The following CTNNA3 variants were observed in gnomAD, a reference collection of about 807,000 sequenced individuals.
CTNNA3 encodes catenin alpha-3.
CTNNA3 carries 76 observed loss-of-function variants against 95.7 expected under a neutral mutation model. The ratio of observed to expected loss-of-function variants is 0.79; its 90% CI spans 0.66 to 0.96. The LOEUF (loss-of-function observed/expected upper bound fraction) is 0.96. Ranked by LOEUF, CTNNA3 falls within the 40% of genes least tolerant of loss-of-function variation. The pLI, the probability that CTNNA3 is intolerant of heterozygous loss-of-function variation, is 0.00. For synonymous variants in CTNNA3, 431 were observed against 374.4 expected, an observed-to-expected ratio of 1.15 and a Z score of -1.74; for missense variants, 1,191 against 1,089.8, an observed-to-expected ratio of 1.09 and a Z score of -1.31.
At chr10:66,925,591 A>G (rs1847023030) in intron 7 of CTNNA3, among the ~76,000 whole-genome samples, 1 of 152,204 alleles carries the variant, frequency 6.6e-6, no homozygotes, top group African/African-American at 2.4e-5. Flanking sequence ...ACATCCTGAG[A>G]CACCTTGCAT....
At chr10:66,639,727 A>G (rs989361286) in intron 9 of CTNNA3, among the ~76,000 whole-genome samples, 16 of 152,194 alleles carry the variant, frequency 1.1e-4, no homozygotes, top group African/African-American at 3.6e-4. Context: ...GGAGTTCATA[A>G]CTACCTTAAA....
chr10:66,148,405 G>T (rs1051701388), intron 13 of CTNNA3, among the ~76,000 whole-genome samples: 19 of 152,010 alleles, frequency 1.2e-4, no homozygotes, highest in African/African-American at 4.1e-4. Flanking sequence ...GAAAATTCAT[G>T]TTGAAATCTA....
At chr10:65,998,077 A>G (rs900714586) in intron 15 of CTNNA3, among the ~76,000 whole-genome samples, 1 of 152,212 alleles carries the variant, frequency 6.6e-6, no homozygotes. Context: ...GAGTCATGTT[A>G]TCTTGGTTCC....
intron 13 of CTNNA3, among the ~76,000 whole-genome samples, chr10:66,174,266 G>A (rs2085591076): frequency 1.3e-5 from 2 of 151,922 alleles, no homozygotes; most frequent in Non-Finnish European, 2.9e-5. Flanking sequence ...AGACATTTTG[G>A]AAAAAGTTTG....
chr10:66,619,860 A>G (rs1352370099), intron 10 of CTNNA3, among the ~76,000 whole-genome samples: 1 of 152,126 alleles, frequency 6.6e-6, no homozygotes, highest in African/African-American at 2.4e-5. Flanking sequence ...TATGTTTATA[A>G]GTATATATGA....
chr10:66,189,552 A>G (rs1221195644), intron 13 of CTNNA3, among the ~76,000 whole-genome samples: 1 of 148,736 alleles, frequency 6.7e-6, no homozygotes, highest in East Asian at 2.0e-4. Flanking sequence ...CTGTTGCTCT[A>G]TGTTCCTGTT....
intron 7 of CTNNA3, among the ~76,000 whole-genome samples, chr10:66,825,005 G>T (rs1170350088): frequency 6.6e-6 from 1 of 151,166 alleles, no homozygotes; most frequent in African/African-American, 2.4e-5. Context: ...AGAACTCTTT[G>T]TAAGATTCCT....
At chr10:67,185,484 G>A (rs558604399) in intron 6 of CTNNA3, among the ~76,000 whole-genome samples, 2 of 151,802 alleles carry the variant, frequency 1.3e-5, no homozygotes, top group East Asian at 3.9e-4. Flanking sequence ...TCTTACATGG[G>A]CAAAAAAATT....
chr10:67,002,915 A>G (rs115401987), intron 7 of CTNNA3, among the ~76,000 whole-genome samples: 2,757 of 152,316 alleles, frequency 0.018, 87 homozygotes, highest in African/African-American at 0.062. Flanking sequence ...TTCTAAACAT[A>G]CCAAGGCTCA....
At chr10:66,389,981 C>T (rs60048031) in intron 11 of CTNNA3, among the ~76,000 whole-genome samples, 10,200 of 152,208 alleles carry the variant, frequency 0.067, 552 homozygotes, top group East Asian at 0.23. Flanking sequence ...AGCGATTCTC[C>T]TACCTCAGAT....
intron 7 of CTNNA3, among the ~76,000 whole-genome samples, chr10:66,978,108 G>A (rs1401323642): frequency 1.3e-5 from 2 of 151,338 alleles, no homozygotes; most frequent in African/African-American, 4.9e-5. Flanking sequence ...TGACGTTCCT[G>A]AAAATATGAT....
At chr10:66,157,480 T>A (rs2394196) in intron 13 of CTNNA3, among the ~76,000 whole-genome samples, 1 of 125,980 alleles carries the variant, frequency 7.9e-6, no homozygotes, top group African/African-American at 3.1e-5. Context: ...AGATGATAGA[T>A]AGATAGATAT....
intron 11 of CTNNA3, among the ~76,000 whole-genome samples, chr10:66,503,850 G>A (rs1840359141): frequency 6.6e-6 from 1 of 152,100 alleles, no homozygotes; most frequent in Non-Finnish European, 1.5e-5. Context: ...AATTACTTTA[G>A]CGGTGAAATT....
At chr10:66,333,923 T>C (rs1285533003) in intron 12 of CTNNA3, among the ~76,000 whole-genome samples, 1 of 152,066 alleles carries the variant, frequency 6.6e-6, no homozygotes, top group African/African-American at 2.4e-5. Context: ...CTGTATGTGG[T>C]GTATATATAT....
At chr10:66,712,465 G>C (rs1438701347) in intron 9 of CTNNA3, among the ~76,000 whole-genome samples, 1 of 152,110 alleles carries the variant, frequency 6.6e-6, no homozygotes, top group African/African-American at 2.4e-5. Flanking sequence ...AAGGTAGTTA[G>C]TCACCATTTT....
chr10:67,761,322 T>C (rs915772764), intron 1 of CTNNA3, among the ~76,000 whole-genome samples: 2 of 152,122 alleles, frequency 1.3e-5, no homozygotes, highest in Non-Finnish European at 2.9e-5. Context: ...GATGAAGAGA[T>C]TGGACTAACT....
At chr10:66,689,120 GA>G (rs1847417916) in intron 9 of CTNNA3, among the ~76,000 whole-genome samples, 2 of 151,904 alleles carry the variant, frequency 1.3e-5, no homozygotes, top group African/African-American at 4.8e-5. Flanking sequence ...ATGAATCAAT[GA>G]ATCAATGAAT....
intron 3 of CTNNA3, among the ~76,000 whole-genome samples, chr10:67,579,477 A>C (rs962067697): frequency 5.9e-5 from 9 of 151,958 alleles, no homozygotes; most frequent in African/African-American, 1.9e-4. Flanking sequence ...GGTTGGTTTC[A>C]AGTCTTTGCT....
chr10:67,754,399 A>G (rs1841422805), intron 1 of CTNNA3, among the ~76,000 whole-genome samples: 1 of 152,196 alleles, frequency 6.6e-6, no homozygotes, highest in Non-Finnish European at 1.5e-5. Context: ...GCAAACCACC[A>G]TGGCACATGT....
Sources: allele counts gnomAD v4.1 joint callset (sites outside exome capture counted in the v4.1 genomes callset), GRCh38; gene constraint gnomAD v4.1.1; transcripts MANE v1.5; gene names NCBI Gene and HGNC (gene_info 2026-07-23, HGNC 2026-07-21).